The following MYO1A variants were observed in gnomAD, a reference collection of about 807,000 sequenced individuals.
MYO1A encodes the protein myosin IA.
MYO1A carries 127 observed loss-of-function variants against 138.5 expected under a neutral mutation model. The ratio of observed to expected loss-of-function variants is 0.92; its 90% CI spans 0.79 to 1.06. The LOEUF (loss-of-function observed/expected upper bound fraction) is 1.06, where lower values mean the gene tolerates loss of function less well. Among genes scored for constraint, MYO1A ranks in the 50% least tolerant of loss-of-function variants. The probability of loss-of-function intolerance (pLI) is 0.00; values close to 1 mark genes in which losing one functional copy is unlikely to be tolerated. For missense variants in MYO1A, 1,211 were observed against 1,288.8 expected, an observed-to-expected ratio of 0.94 and a Z score of 0.92; for synonymous variants, 477 against 497.5, an observed-to-expected ratio of 0.96 and a Z score of 0.55.
rs970286870 is a variant in MYO1A at position 57,028,657 on chromosome 12, G to A, written c.*98C>T. ...GTTTAATCCCCAAGCCATGCGCCAC[G>A]ATCAGAGGGGTTAGAGATCCTCCCA... On this transcript the variant is annotated 3_prime_UTR_variant, in exon 28 of 28. Transcript: ENST00000300119. 49 of 1,523,630 alleles carry A rather than the reference G, an allele frequency of 3.2e-5. No individual in the cohort carries two copies. Among genetic ancestry groups the A allele is most frequent in the Non-Finnish European group, 4.0e-5 (45 of 1,115,942 alleles). The allele number at this position is 1,523,630 out of a possible 1,614,324, so 94.4% of individuals were successfully genotyped here.
intron 1 of MYO1A, among the ~76,000 whole-genome samples, chr12:57,049,494 G>A (rs1380564485): frequency 6.6e-6 from 1 of 152,200 alleles, no homozygotes; most frequent in East Asian, 1.9e-4. Flanking sequence ...GGAAAAGAGA[G>A]CACTTGTCAC....
intron 23 of MYO1A, among the ~76,000 whole-genome samples, chr12:57,030,765 G>A (rs1361765715): frequency 2.0e-5 from 3 of 152,202 alleles, no homozygotes; most frequent in Non-Finnish European, 4.4e-5. Flanking sequence ...TGGGAGAATA[G>A]GGGGTTATTG....
At chr12:57,049,056 A>G (rs769254600) in intron 1 of MYO1A, among the ~76,000 whole-genome samples, 24 of 152,352 alleles carry the variant, frequency 1.6e-4, no homozygotes, top group Admixed American at 9.1e-4. Flanking sequence ...GATGTGCTAC[A>G]TGTCTGTCTC....
intron 12 of MYO1A, among the ~76,000 whole-genome samples, chr12:57,042,047 T>A (rs2136451494): frequency 6.6e-6 from 1 of 152,314 alleles, no homozygotes; most frequent in Non-Finnish European, 1.5e-5. Flanking sequence ...TTTAGTATAT[T>A]CAAAAGGTTG....
chr12:57,044,967 A>G (rs1450848115), intron 8 of MYO1A, among the ~76,000 whole-genome samples: 1 of 152,174 alleles, frequency 6.6e-6, no homozygotes, highest in African/African-American at 2.4e-5. Context: ...CCAAACACCA[A>G]TAAAGTGGCA....
rs768006899 is a variant in MYO1A at position 57,044,130 on chromosome 12, G to A, written c.720C>T (p.Asp240=). The A allele has an allele frequency of 2.1e-5, 34 of 1,614,064 alleles. No individual in the cohort carries two copies. Among genetic ancestry groups the A allele is most frequent in the East Asian group, 4.5e-5 (2 of 44,902 alleles). The part of the protein sequence containing the change: ...HEVSRVDGMD[D]ASSFRAVQSA... ...CCTGTACAGCCCTGAAGCTGGAGGC[G>A]TCGTCCATGCCATCCACTCTGGATA... Residue 240 remains aspartate (D), a synonymous_variant, in exon 9 of 28, where the codon GAC becomes GAT. Coordinates refer to ENST00000300119, the MANE Select transcript of MYO1A (RefSeq NM_005379.4).
Position 57,036,950 on chromosome 12 carries a change from C to A in MYO1A, c.2197G>T (p.Gly733Ter), listed in dbSNP as rs1264103381. Residue 733 changes from glycine to a stop codon, truncating the protein, a stop_gained, in exon 20 of 28, where the codon GGA (glycine) becomes TGA (stop). Coordinates refer to ENST00000300119, the MANE Select transcript of MYO1A (RefSeq NM_005379.4). LOFTEE classifies it high-confidence loss of function. ...TTTGGGGATGACCGTACCATGTTTC[C>A]CCGAAACCAAGAGGAGATGAGGATC... Reference protein sequence around the residue: ...SQILISSWFRGNMQKKCYGKI... With the variant: ...SQILISSWFR 1 of 1,614,074 alleles carries A rather than the reference C, an allele frequency of 6.2e-7. No homozygotes were observed. The highest frequency in any genetic ancestry group is 8.5e-7 in the Non-Finnish European group (1 of 1,180,056).
chr12:57,028,759 T>A lies in MYO1A; in HGVS notation c.3128A>T (p.Gln1043Leu), dbSNP rs370617353. 5.1e-5 allele frequency: 83 copies of A among 1,613,940 alleles called. No homozygotes were observed. The highest frequency in any genetic ancestry group is 6.9e-5 in the Non-Finnish European group (81 of 1,179,968). The change falls in exon 28 of 28, where the codon CAG (glutamine) becomes CTG (leucine). Residue 1043 changes from glutamine to leucine, a missense_variant. Gln to Leu is a moderately radical substitution (Grantham distance 113). Coordinates refer to ENST00000300119, the MANE Select transcript of MYO1A (RefSeq NM_005379.4). Reference protein sequence around the residue: ...KGSHCLEVTVQ With the variant: ...KGSHCLEVTVL ...TCTCTGCATGGTGCCCCCTCCTCACTGCACAGTCACCTCCAAGCAATGACT... is the reference window on the plus strand; with the variant it reads ...TCTCTGCATGGTGCCCCCTCCTCACAGCACAGTCACCTCCAAGCAATGACT...
At chr12:57,044,481 C>T (rs1421344762) in intron 8 of MYO1A, among the ~76,000 whole-genome samples, 4 of 152,182 alleles carry the variant, frequency 2.6e-5, no homozygotes, top group Non-Finnish European at 5.9e-5. Context: ...CACCACCTCC[C>T]AGGTTCAAGT....
chr12:57,037,807 T>C, intron 18 of MYO1A, 62 bp downstream of exon 18: 1 of 1,577,726 alleles, frequency 6.3e-7, no homozygotes, highest in African/African-American at 1.3e-5. Flanking sequence ...CCAGGTCTCT[T>C]CCCCCAGAGA....
In MYO1A at chr12:57,028,788, CT is replaced by C. The variant is rs748756029; in HGVS notation, c.3098del (p.Lys1033ArgfsTer8). On this transcript the variant is annotated frameshift_variant, in exon 28 of 28. Transcript: ENST00000300119. LOFTEE classifies it high-confidence loss of function. Reference sequence around the variant, plus strand: ...CAGTCACCTCCAAGCAATGACTCCCCTTTTTTTTGTAGCGTAGCTTGCTGTT... The same window carrying C: ...CAGTCACCTCCAAGCAATGACTCCCCTTTTTTTGTAGCGTAGCTTGCTGTT... ...GDNSKLRYKK[K>X]GSHCLEVTVQ The C allele has an allele frequency of 1.1e-4, 174 of 1,613,082 alleles. No homozygotes were observed. In the Admixed American group the frequency reaches 2.5e-3, roughly 23 times the overall value.
Position 57,038,456 on chromosome 12 carries a change from G to A in MYO1A, c.1716C>T (p.Ala572=), listed in dbSNP as rs753659167. The change falls in exon 17 of 28, where the codon GCC becomes GCT. Residue 572 remains alanine (A), a synonymous_variant. Coordinates refer to ENST00000300119, the MANE Select transcript of MYO1A (RefSeq NM_005379.4). The part of the protein sequence containing the change: ...TAGAQFKSSV[A]ILMKNLYSKS... ...TGGAATACAGATTCTTCATGAGGAT[G>A]GCCACAGAACTCTTGAACTGGGCCC... 6 of 1,614,226 alleles carry A rather than the reference G, an allele frequency of 3.7e-6. No homozygotes were observed. In the East Asian group the frequency reaches 6.7e-5, roughly 18 times the overall value.
At chr12:57,037,713 T>C (rs566561461) in intron 18 of MYO1A, 72 bp from the exon 19 acceptor site, 1 of 1,530,394 alleles carries the variant, frequency 6.5e-7, no homozygotes, top group South Asian at 1.1e-5. Flanking sequence ...TTTCCCCTAA[T>C]CCTTTCAGCC....
Position 57,028,612 on chromosome 12 carries a change from A to G in MYO1A, c.*143T>C. On this transcript the variant is annotated 3_prime_UTR_variant, in exon 28 of 28. Transcript: ENST00000300119. Reference sequence around the variant, plus strand: ...GGAGAGAACAAGAAGGGTTTGGGACAAGGGTCCTCTTCAAGGGTAGTTTAA... The same window carrying G: ...GGAGAGAACAAGAAGGGTTTGGGACGAGGGTCCTCTTCAAGGGTAGTTTAA... 1.7e-6 allele frequency: 2 copies of G among 1,144,654 alleles called. No individual in the cohort carries two copies. The highest frequency in any genetic ancestry group is 2.5e-6 in the Non-Finnish European group (2 of 802,242). 70.9% of individuals were successfully genotyped at this position (1,144,654 alleles called of 1,614,324 possible).
intron 22 of MYO1A, among the ~76,000 whole-genome samples, chr12:57,034,793 ACT>A (rs1255918095): frequency 6.6e-6 from 1 of 152,044 alleles, no homozygotes; most frequent in African/African-American, 2.4e-5. Flanking sequence ...ACATGGTGAA[ACT>A]CTGTCTCTAC....
rs201000642 is a variant in MYO1A, at chr12:57,048,276, C to A, written c.48G>T (p.Leu16=). 347 of 1,614,070 alleles carry A rather than the reference C, an allele frequency of 2.1e-4. No individual in the cohort carries two copies. In the Middle Eastern group the frequency reaches 2.8e-3, roughly 13 times the overall value. The change falls in exon 2 of 28, where the codon CTG becomes CTT. Residue 16 remains leucine, a synonymous_variant. Transcript: ENST00000300119. ...GSVGVEDLVL[L]EPLVEESLLK... ...GCAGTGACTCCTCCACCAAGGGTTC[C>A]AGGAGGACAAGATCCTCCACCCCCA...
chr12:57,033,641 G>C (rs1333828894), intron 22 of MYO1A, among the ~76,000 whole-genome samples: 2 of 152,196 alleles, frequency 1.3e-5, no homozygotes, highest in East Asian at 1.9e-4. Context: ...TTACAGGAGT[G>C]AGTCACCTTG....
chr12:57,038,958 C>T lies in MYO1A; in HGVS notation c.1384G>A (p.Val462Met). The change falls in exon 16 of 28, where the codon GTG becomes ATG. Residue 462 changes from valine to methionine, a missense_variant. Coordinates refer to ENST00000300119, the MANE Select transcript of MYO1A (RefSeq NM_005379.4). ...GCTAGGAAAGTGGAGTCACTGACCA[C>T]CCCAGGCCGCAGGCACTCCTCATCC... ...MLDEECLRPG[V>M]VSDSTFLAKL... 1 of 1,614,164 alleles carries T rather than the reference C, an allele frequency of 6.2e-7. No individual in the cohort carries two copies. The highest frequency in any genetic ancestry group is 1.1e-5 in the South Asian group (1 of 91,084).
intron 23 of MYO1A, among the ~76,000 whole-genome samples, chr12:57,030,652 A>G (rs2030233591): frequency 6.6e-6 from 1 of 152,248 alleles, no homozygotes; most frequent in Non-Finnish European, 1.5e-5. Flanking sequence ...GAAATAAGCC[A>G]GACACAAAAG....
Sources: allele counts gnomAD v4.1 joint callset (sites outside exome capture counted in the v4.1 genomes callset), GRCh38; gene constraint gnomAD v4.1.1; transcripts MANE v1.5; gene names NCBI Gene and HGNC (gene_info 2026-07-23, HGNC 2026-07-21).